Variants in RPTOR observed in about 807,000 individuals in gnomAD.
RPTOR encodes the protein regulatory-associated protein of mTOR.
RPTOR carries 21 observed loss-of-function variants against 169.9 expected under a neutral mutation model. That is an observed-to-expected ratio of 0.12 (90% CI 0.09 to 0.18). The LOEUF (loss-of-function observed/expected upper bound fraction) is 0.18. RPTOR is among the 10% of genes least tolerant of loss of function. RPTOR has a pLI of 1.00. For missense variants in RPTOR, 1,133 were observed against 1,855.9 expected, an observed-to-expected ratio of 0.61 and a Z score of 7.16; for synonymous variants, 732 against 753.2, an observed-to-expected ratio of 0.97 and a Z score of 0.46.
At chr17:80,916,451 G>A (rs2068674368) in intron 21 of RPTOR, among the ~76,000 whole-genome samples, 1 of 152,240 alleles carries the variant, frequency 6.6e-6, no homozygotes, top group Admixed American at 6.5e-5. Context: ...ACAGTGGCTG[G>A]ACCCCACATT....
intron 4 of RPTOR, among the ~76,000 whole-genome samples, chr17:80,710,118 AGG>A (rs10535781): frequency 0.29 from 44,128 of 151,640 alleles, 7,748 homozygotes; most frequent in Admixed American, 0.46. Flanking sequence ...GTGGGACTAC[AGG>A]TGTGCACCAC....
Position 80,545,221 on chromosome 17 carries a change from C to T in RPTOR, c.-409C>T, listed in dbSNP as rs2084259190. The T allele has an allele frequency of 8.4e-6, 2 of 236,742 alleles. No homozygotes were observed. The highest frequency in any genetic ancestry group is 1.7e-5 in the Non-Finnish European group (2 of 120,198). The allele number at this position is 236,742 out of a possible 1,614,324, so 14.7% of individuals were successfully genotyped here. A position where few individuals can be genotyped will look rare whatever the true frequency, so the allele number is the denominator to read the frequency against. ...AGTCGGCCCAGTGGGCGAACCGGCA[C>T]CAAGAGCGGCCTGCCTGTCTTCGGA... On this transcript the variant is annotated 5_prime_UTR_variant, in exon 1 of 34. Coordinates refer to ENST00000306801, the MANE Select transcript of RPTOR (RefSeq NM_020761.3).
At chr17:80,727,953 G>A (rs1459670176) in intron 4 of RPTOR, among the ~76,000 whole-genome samples, 5 of 152,004 alleles carry the variant, frequency 3.3e-5, no homozygotes, top group Non-Finnish European at 1.5e-5. Flanking sequence ...CCCACAATGG[G>A]GCATTATTCA....
intron 11 of RPTOR, among the ~76,000 whole-genome samples, chr17:80,850,499 T>A (rs1259440316): frequency 1.3e-5 from 2 of 152,212 alleles, no homozygotes; most frequent in Non-Finnish European, 2.9e-5. Flanking sequence ...GAGCTCCGCC[T>A]CCTGGGTTAA....
At chr17:80,868,557 A>G (rs1411357896) in intron 13 of RPTOR, among the ~76,000 whole-genome samples, 2 of 152,210 alleles carry the variant, frequency 1.3e-5, no homozygotes, top group Admixed American at 6.5e-5. Context: ...CCACTTTGCA[A>G]ACTTATTTCA....
At chr17:80,581,568 TGCA>T (rs2065014103) in intron 1 of RPTOR, among the ~76,000 whole-genome samples, 1 of 146,650 alleles carries the variant, frequency 6.8e-6, no homozygotes, top group East Asian at 2.1e-4. Flanking sequence ...TGCTATTCTC[TGCA>T]GTGGAGACCG....
chr17:80,778,721 C>G (rs2066912834), intron 6 of RPTOR, among the ~76,000 whole-genome samples: 1 of 152,114 alleles, frequency 6.6e-6, no homozygotes, highest in South Asian at 2.1e-4. Flanking sequence ...ATGACTAGAG[C>G]CCGGGAGTTC....
chr17:80,959,495 C>G lies in RPTOR; in HGVS notation c.3478-583C>G, dbSNP rs935618720. ...GAGTGCACAACCCAGCACCGCCCATCGTGCGTGGAAAGCGCTCTCCCTCTC... is the reference window on the plus strand; with the variant it reads ...GAGTGCACAACCCAGCACCGCCCATGGTGCGTGGAAAGCGCTCTCCCTCTC... On this transcript the variant is annotated intron_variant, in intron 29 of 33. Coordinates refer to ENST00000306801, the MANE Select transcript of RPTOR (RefSeq NM_020761.3). The surrounding 1 kb of genome is among the most constrained non-coding windows in gnomAD (Gnocchi z 6.7). Among the ~76,000 whole-genome samples the G allele has an allele frequency of 2.0e-5, 3 of 152,188 alleles. No homozygotes were observed. Among genetic ancestry groups the G allele is most frequent in the African/African-American group, 7.2e-5 (3 of 41,446 alleles).
At chr17:80,867,878 A>G (rs1210749462) in intron 13 of RPTOR, among the ~76,000 whole-genome samples, 5 of 152,258 alleles carry the variant, frequency 3.3e-5, no homozygotes, top group African/African-American at 9.6e-5. Flanking sequence ...ACCTAAATAA[A>G]TGAAGAGATC....
At chr17:80,849,106 G>A (rs979954782) in intron 11 of RPTOR, among the ~76,000 whole-genome samples, 1 of 152,172 alleles carries the variant, frequency 6.6e-6, no homozygotes, top group South Asian at 2.1e-4. Flanking sequence ...CGTACCCCCC[G>A]GGAGTGGCTT....
rs1465680734 is a variant in RPTOR, at chr17:80,861,795, G to A, written c.1509+3895G>A. Among the ~76,000 whole-genome samples, 1 of 152,060 alleles carries A rather than the reference G, an allele frequency of 6.6e-6. No homozygotes were observed. Among genetic ancestry groups the A allele is most frequent in the Non-Finnish European group, 1.5e-5 (1 of 68,032 alleles). ...TTGATTCTCAGACTTCGTGTTTTTAGTACCTTTTAGGACCTGGAAATTGAT... is the reference window on the plus strand; with the variant it reads ...TTGATTCTCAGACTTCGTGTTTTTAATACCTTTTAGGACCTGGAAATTGAT... On this transcript the variant is annotated intron_variant, in intron 13 of 33. Transcript: ENST00000306801. This position sits in a 1 kb window ranked among gnomAD's most constrained non-coding sequence, Gnocchi z 4.5.
Position 80,617,999 on chromosome 17 carries a change from A to G in RPTOR, c.163-7692A>G, listed in dbSNP as rs369421145. On this transcript the variant is annotated intron_variant, in intron 1 of 33. Coordinates refer to ENST00000306801, the MANE Select transcript of RPTOR (RefSeq NM_020761.3). ...AAAATAGTTACAACTTTTTTTTTTT[A>G]AGACGGGGTCTTGCTCTGTCACCCA... is the stretch of plus-strand genomic sequence containing the variant. Among the ~76,000 whole-genome samples, 1,389 of 146,206 alleles carry G rather than the reference A, an allele frequency of 9.5e-3. 88 individuals are homozygous for G. Among genetic ancestry groups the G allele is most frequent in the African/African-American group, 0.036 (1,312 of 36,298 alleles).
At chr17:80,888,646 TGG>T (rs754758399) in intron 17 of RPTOR, among the ~76,000 whole-genome samples, 1 of 152,214 alleles carries the variant, frequency 6.6e-6, no homozygotes, top group Non-Finnish European at 1.5e-5. Flanking sequence ...CCTTGAGTCC[TGG>T]CACCAGTTCA....
chr17:80,584,845 T>A (rs1258569048), intron 1 of RPTOR, among the ~76,000 whole-genome samples: 1 of 152,252 alleles, frequency 6.6e-6, no homozygotes, highest in African/African-American at 2.4e-5. Flanking sequence ...TGGTGAGTTA[T>A]GAGGCTTTAT....
At chr17:80,662,276 C>T (rs970656960) in intron 3 of RPTOR, among the ~76,000 whole-genome samples, 1 of 152,176 alleles carries the variant, frequency 6.6e-6, no homozygotes, top group Non-Finnish European at 1.5e-5. Context: ...CTGAACGCCC[C>T]GATGAGTTCG....
chr17:80,626,776 A>AATAATT (rs1180193489), intron 2 of RPTOR, among the ~76,000 whole-genome samples: 3 of 141,018 alleles, frequency 2.1e-5, no homozygotes, highest in African/African-American at 5.3e-5. Flanking sequence ...CCATTCTAGG[A>AATAATT]ATTATTATTA....
At chr17:80,657,928 C>G (rs1007595810) in intron 3 of RPTOR, among the ~76,000 whole-genome samples, 2 of 151,956 alleles carry the variant, frequency 1.3e-5, no homozygotes, top group Admixed American at 1.3e-4. Flanking sequence ...ATTCCATTTT[C>G]TCCTTCTATT....
chr17:80,759,853 A>G (rs1687612795), intron 6 of RPTOR, among the ~76,000 whole-genome samples: 1 of 152,120 alleles, frequency 6.6e-6, no homozygotes, highest in Non-Finnish European at 1.5e-5. Context: ...ATCATCCAAG[A>G]TTTTACCATC....
chr17:80,881,790 C>G (rs928992523), intron 14 of RPTOR, among the ~76,000 whole-genome samples: 1 of 152,182 alleles, frequency 6.6e-6, no homozygotes, highest in African/African-American at 2.4e-5. Context: ...CAACTGCACT[C>G]CAGCCTGAGC....
Sources: gnomAD v4.1 joint callset for allele counts (sites outside exome capture counted in the v4.1 genomes callset) on GRCh38, gnomAD v4.1.1 for gene constraint, Gnocchi (gnomAD v3.1) non-coding constraint, MANE v1.5 for transcripts, NCBI Gene and HGNC (gene_info 2026-07-23, HGNC 2026-07-21) for gene names.